The following PAPOLG variants were observed in gnomAD, a reference collection of about 807,000 sequenced individuals.
The protein encoded by PAPOLG is PAP-gamma.
Under a neutral mutation model 99.0 loss-of-function variants are expected in PAPOLG, and 40 were observed. The observed-to-expected ratio is 0.40, with a 90% confidence interval of 0.31 to 0.53. PAPOLG has a LOEUF of 0.53. Among genes scored for constraint, PAPOLG ranks in the 20% least tolerant of loss-of-function variants. The pLI, the probability that PAPOLG is intolerant of heterozygous loss-of-function variation, is 0.41. For synonymous variants in PAPOLG, 310 were observed against 299.3 expected (o/e 1.04, Z -0.37); for missense variants, 675 against 884.1 (o/e 0.76, Z 3.00).
At chr2:60,773,478 G>A (rs1431255330) in intron 7 of PAPOLG, among the ~76,000 whole-genome samples, 2 of 152,114 alleles carry the variant, frequency 1.3e-5, no homozygotes, top group African/African-American at 2.4e-5. Flanking sequence ...TTTTGTTGCT[G>A]AATAAAAATG....
In PAPOLG at chr2:60,783,158, A is replaced by T; in HGVS notation, c.1115A>T (p.His372Leu). ...EPPNFFQKYR[H>L]YIVLTASAST... is the part of the protein sequence containing the mutation. Reference sequence around the variant, plus strand: ...GATTGTTGCTGAAAATTCTTCAGACATTATATAGTATTGACTGCCAGCGCA... The same window carrying T: ...GATTGTTGCTGAAAATTCTTCAGACTTTATATAGTATTGACTGCCAGCGCA... The change falls in exon 13 of 22, where the codon CAT (histidine) becomes CTT (leucine). Residue 372 changes from histidine to leucine, a missense_variant and splice_region_variant. Coordinates refer to ENST00000238714, the MANE Select transcript of PAPOLG (RefSeq NM_022894.4). 3 of 1,574,956 alleles carry T rather than the reference A, an allele frequency of 1.9e-6. No individual in the cohort carries two copies. Among genetic ancestry groups the T allele is most frequent in the Non-Finnish European group, 2.6e-6 (3 of 1,165,282 alleles).
At chr2:60,767,238 G>GC (rs1372658895) in intron 3 of PAPOLG, among the ~76,000 whole-genome samples, 2 of 152,096 alleles carry the variant, frequency 1.3e-5, no homozygotes, top group Non-Finnish European at 2.9e-5. Flanking sequence ...TTTTTTGCTT[G>GC]CTTGAGGCTG....
intron 15 of PAPOLG, among the ~76,000 whole-genome samples, chr2:60,789,369 A>T (rs1305642109): frequency 1.3e-5 from 2 of 151,654 alleles, no homozygotes; most frequent in African/African-American, 2.4e-5. Flanking sequence ...TAAATAAAAA[A>T]TAAAAAATAA....
chr2:60,773,972 A>G (rs1315161540), intron 7 of PAPOLG, among the ~76,000 whole-genome samples: 4 of 152,238 alleles, frequency 2.6e-5, no homozygotes, highest in Non-Finnish European at 5.9e-5. Context: ...AAAAGCAGGT[A>G]GTTGAGCTTA....
chr2:60,764,357 G>A (rs1395461948), intron 3 of PAPOLG, among the ~76,000 whole-genome samples: 1 of 151,922 alleles, frequency 6.6e-6, no homozygotes, highest in African/African-American at 2.4e-5. Context: ...GTGTCTAGCT[G>A]TAAAGTCCCT....
chr2:60,797,019 A>ATG, intron 21 of PAPOLG, 43 bp from the exon 22 acceptor site: 1 of 1,611,840 alleles, frequency 6.2e-7, no homozygotes, highest in Non-Finnish European at 8.5e-7. Context: ...TATAATATAT[A>ATG]TGATGTGCTT....
At chr2:60,775,480 T>G (rs1333654218) in intron 8 of PAPOLG, among the ~76,000 whole-genome samples, 6 of 152,258 alleles carry the variant, frequency 3.9e-5, no homozygotes, top group Admixed American at 6.5e-5. Flanking sequence ...AGGTGTTCAT[T>G]AAGTGAAGAG....
Position 60,771,010 on chromosome 2 carries a change from A to G in PAPOLG, c.492+499A>G, listed in dbSNP as rs547180035. On this transcript the variant is annotated intron_variant, in intron 6 of 21. Transcript: ENST00000238714. ...CATTTATTTACAGCCTCCTGACCTT[A>G]TTTCCTAGATATGACATTTTTATCT... is the stretch of plus-strand genomic sequence containing the variant. Among the ~76,000 whole-genome samples the G allele has an allele frequency of 2.6e-3, 398 of 152,056 alleles. 1 individual carries two copies. Among genetic ancestry groups the G allele is most frequent in the African/African-American group, 9.0e-3 (372 of 41,482 alleles).
Position 60,771,506 on chromosome 2 carries a change from C to A in PAPOLG, c.493-13C>A, listed in dbSNP as rs1258147445. On this transcript the variant is annotated splice_polypyrimidine_tract_variant and intron_variant, in intron 6 of 21. Transcript: ENST00000238714. Reference sequence around the variant, plus strand: ...AATGTAATTTTTTTCTCTTTTTTCACATCTTTCCAAAGATTGATCTAGTCT... The same window carrying A: ...AATGTAATTTTTTTCTCTTTTTTCAAATCTTTCCAAAGATTGATCTAGTCT... The A allele has an allele frequency of 6.4e-7, 1 of 1,564,774 alleles. No homozygotes were observed. Among genetic ancestry groups the A allele is most frequent in the Admixed American group, 2.2e-5 (1 of 46,154 alleles).
At chr2:60,759,308 C>CTAAGCCCTTACT (rs1670452187) in intron 1 of PAPOLG, among the ~76,000 whole-genome samples, 1 of 151,120 alleles carries the variant, frequency 6.6e-6, no homozygotes, top group Admixed American at 6.6e-5. Flanking sequence ...GCAGAGGTTG[C>CTAAGCCCTTACT]AGTGAGCTGA....
intron 8 of PAPOLG, among the ~76,000 whole-genome samples, chr2:60,775,500 A>G (rs1670989063): frequency 1.3e-5 from 2 of 152,324 alleles, no homozygotes; most frequent in South Asian, 4.1e-4. Context: ...GTCTACAGTG[A>G]TGACTTTCAC....
Position 60,782,732 on chromosome 2 carries a change from C to T in PAPOLG, c.1074C>T (p.Ser358=), listed in dbSNP as rs760291420. The part of the protein sequence containing the change: ...DEILQGKSDW[S]KLLEPPNFFQ... ...TTCTTCAAGGAAAGTCAGATTGGTC[C>T]AAACTACTTGAGCCACCGAATTTCT... The change falls in exon 12 of 22, where the codon TCC becomes TCT. Residue 358 remains serine, a synonymous_variant. Coordinates refer to ENST00000238714, the MANE Select transcript of PAPOLG (RefSeq NM_022894.4). The T allele has an allele frequency of 6.7e-7, 1 of 1,491,510 alleles. No homozygotes were observed. Among genetic ancestry groups the T allele is most frequent in the Non-Finnish European group, 8.9e-7 (1 of 1,118,118 alleles). The allele number at this position is 1,491,510 out of a possible 1,614,324, so 92.4% of individuals were successfully genotyped here.
chr2:60,788,058 A>G (rs962410887), intron 15 of PAPOLG, among the ~76,000 whole-genome samples: 8 of 152,028 alleles, frequency 5.3e-5, no homozygotes, highest in Non-Finnish European at 1.2e-4. Flanking sequence ...AAAAAAAGAA[A>G]AAAAAAAGCA....
intron 7 of PAPOLG, among the ~76,000 whole-genome samples, chr2:60,773,159 T>C (rs942305689): frequency 2.6e-5 from 4 of 152,150 alleles, no homozygotes; most frequent in African/African-American, 7.2e-5. Flanking sequence ...ACTCTCGATA[T>C]CAGGTGATGC....
At chr2:60,792,387 TG>T in intron 17 of PAPOLG, 98 bp downstream of exon 17, 1 of 1,131,558 alleles carries the variant, frequency 8.8e-7, no homozygotes, top group Non-Finnish European at 1.3e-6. Context: ...CTTTTAAAAT[TG>T]TTAAAAGATT....
intron 15 of PAPOLG, among the ~76,000 whole-genome samples, chr2:60,790,527 C>G (rs1387852806): frequency 6.6e-6 from 1 of 152,100 alleles, no homozygotes. Context: ...ACAATTAAAA[C>G]ATTAAGACAT....
In PAPOLG at chr2:60,794,990, T is replaced by C; in HGVS notation, c.2082T>C (p.Pro694=). 7 of 1,613,584 alleles carry C rather than the reference T, an allele frequency of 4.3e-6. No individual in the cohort carries two copies. Among genetic ancestry groups the C allele is most frequent in the Non-Finnish European group, 5.9e-6 (7 of 1,179,682 alleles). The change falls in exon 21 of 22, where the codon CCT becomes CCC. Residue 694 remains proline (P), a synonymous_variant. Coordinates refer to ENST00000238714, the MANE Select transcript of PAPOLG (RefSeq NM_022894.4). ...ATGCCATTGGAGGAGAATCTATGCC[T>C]ATTCCAACTATTGATACATCACGCA... ...SVDAIGGESM[P]IPTIDTSRKK...
intron 13 of PAPOLG, among the ~76,000 whole-genome samples, chr2:60,783,686 G>A (rs764756040): frequency 8.6e-5 from 13 of 150,928 alleles, no homozygotes; most frequent in Non-Finnish European, 1.3e-4. Context: ...GCTAATTTTT[G>A]TATTTTTAGT....
At chr2:60,764,539 C>T (rs1670616937) in intron 3 of PAPOLG, among the ~76,000 whole-genome samples, 1 of 152,096 alleles carries the variant, frequency 6.6e-6, no homozygotes, top group Non-Finnish European at 1.5e-5. Context: ...AACCTCCCCA[C>T]CTCAGCCTCC....
Sources: gnomAD v4.1 joint callset for allele counts (sites outside exome capture counted in the v4.1 genomes callset) on GRCh38, gnomAD v4.1.1 for gene constraint, MANE v1.5 for transcripts, NCBI Gene and HGNC (gene_info 2026-07-23, HGNC 2026-07-21) for gene names.